Variants in ANO8 observed in about 807,000 individuals in gnomAD.
ANO8 encodes anoctamin-8.
Under a neutral mutation model 120.4 loss-of-function variants are expected in ANO8, and 67 were observed. The ratio of observed to expected loss-of-function variants is 0.56; its 90% CI spans 0.46 to 0.68. The LOEUF is 0.68. ANO8 is among the 30% of genes least tolerant of loss of function. The pLI, the probability that ANO8 is intolerant of heterozygous loss-of-function variation, is 0.00. For synonymous variants in ANO8, 727 were observed against 759.2 expected, an observed-to-expected ratio of 0.96 and a Z score of 0.70; for missense variants, 1,526 against 1,737.6, an observed-to-expected ratio of 0.88 and a Z score of 2.16.
In ANO8 at chr19:17,331,381, T is replaced by G; in HGVS notation, c.617A>C (p.Gln206Pro). 1 of 1,613,960 alleles carries G rather than the reference T, an allele frequency of 6.2e-7. No homozygotes were observed. Among genetic ancestry groups the G allele is most frequent in the Non-Finnish European group, 8.5e-7 (1 of 1,180,016 alleles). Residue 206 changes from glutamine (Q) to proline (P), a missense_variant, in exon 6 of 18, where the codon CAG becomes CCG. Physicochemically the swap from Gln to Pro is moderately conservative, Grantham distance 76. Coordinates refer to ENST00000159087, the MANE Select transcript of ANO8 (RefSeq NM_020959.3). ...CTGCTCGTGGACAGGGAACACCTGC[T>G]GGATGATCCCACGTGCTGCCAGCTC... The part of the protein sequence containing the change: ...IPELAARGII[Q>P]QVFPVHEQRI...
chr19:17,333,641 G>C lies in ANO8; in HGVS notation c.217+49C>G, dbSNP rs771128398. 1 of 1,564,662 alleles carries C rather than the reference G, an allele frequency of 6.4e-7. No homozygotes were observed. The highest frequency in any genetic ancestry group is 8.7e-7 in the Non-Finnish European group (1 of 1,148,654). ...TTCCCGTTCTGGGAAGCCGAGCTCAGGAGAGCCGCATCTGGGCACTGGGCG... is the reference window on the plus strand; with the variant it reads ...TTCCCGTTCTGGGAAGCCGAGCTCACGAGAGCCGCATCTGGGCACTGGGCG... On this transcript the variant is annotated intron_variant, in intron 2 of 17. Coordinates refer to ENST00000159087, the MANE Select transcript of ANO8 (RefSeq NM_020959.3). This position sits in a 1 kb window ranked among gnomAD's most constrained non-coding sequence, Gnocchi z 7.2.
intron 5 of ANO8, among the ~76,000 whole-genome samples, chr19:17,331,863 C>T (rs1165984849): frequency 6.6e-6 from 1 of 150,580 alleles, no homozygotes; most frequent in Non-Finnish European, 1.5e-5. Flanking sequence ...AAACTCCTGA[C>T]CTCAAGTGAT....
At position 17,323,818 on chromosome 19, in the gene ANO8, G is replaced by A. The variant is rs2074254936; in HGVS notation, c.3398C>T (p.Pro1133Leu). The stretch of plus-strand genomic sequence containing the variant: ...GGGCCGGGGCAGCGGCATTGGCGGC[G>A]GCGGCGCGGGGCTCCGGCTGCGGCG... ...RTRRSRSPAP[P>L]PPMPLPRPPT... is the part of the protein sequence containing the mutation. Residue 1133 changes from proline to leucine, a missense_variant, in exon 18 of 18, where the codon CCG becomes CTG. By Grantham distance (98) the Pro-to-Leu change is moderately conservative. This residue lies in a region of ANO8 where 489 missense variants were observed against 548.6 expected (regional missense o/e 0.89). Transcript: ENST00000159087. 4.4e-5 allele frequency: 50 copies of A among 1,137,270 alleles called. No homozygotes were observed. Among genetic ancestry groups the A allele is most frequent in the Non-Finnish European group, 5.3e-5 (49 of 927,346 alleles). The allele number at this position is 1,137,270 out of a possible 1,614,324, so 70.4% of individuals were successfully genotyped here.
chr19:17,331,060 C>T, intron 7 of ANO8, 28 bp downstream of exon 7: 1 of 1,613,818 alleles, frequency 6.2e-7, no homozygotes, highest in South Asian at 1.1e-5. Context: ...CTGGATCCCC[C>T]AGACCTTGCA....
chr19:17,334,718 G>C lies in ANO8; in HGVS notation c.-48C>G, dbSNP rs2074350141. The C allele has an allele frequency of 7.5e-7, 1 of 1,329,790 alleles. No homozygotes were observed. The highest frequency in any genetic ancestry group is 4.0e-5 in the Admixed American group (1 of 25,220). 82.4% of individuals were successfully genotyped at this position (1,329,790 alleles called of 1,614,324 possible). On this transcript the variant is annotated 5_prime_UTR_variant, in exon 1 of 18. Coordinates refer to ENST00000159087, the MANE Select transcript of ANO8 (RefSeq NM_020959.3). ...GGCTACGGACGGCCCGGGCGACGGG[G>C]AGCCGCGGGCTCATGGGGCCGGTGC...
intron 17 of ANO8, 81 bp from the exon 18 acceptor site, chr19:17,323,965 CT>C: frequency 9.5e-7 from 1 of 1,052,958 alleles, no homozygotes; most frequent in Non-Finnish European, 1.1e-6. Context: ...CCCGCGCTCC[CT>C]CCCGGGCATC....
At position 17,327,469 on chromosome 19, in the gene ANO8, T is replaced by C; in HGVS notation, c.2519A>G (p.Glu840Gly). ...CACTACCACCGACACGATGGCTGCC[T>C]CCGGGCTCAGCCAGGGGAAGAGGCG... The part of the protein sequence containing the change: ...LQRLFPWLSP[E>G]AAIVSVVVLE... Residue 840 changes from glutamate to glycine, a missense_variant, in exon 15 of 18, where the codon GAG (glutamate) becomes GGG (glycine). By Grantham distance (98) the Glu-to-Gly change is moderately conservative (BLOSUM62 -2). Transcript: ENST00000159087. 6.2e-7 allele frequency: 1 copy of C among 1,612,712 alleles called. No individual in the cohort carries two copies. The highest frequency in any genetic ancestry group is 1.1e-5 in the South Asian group (1 of 91,006).
chr19:17,324,409 G>C (rs2074258987), intron 17 of ANO8, among the ~76,000 whole-genome samples: 1 of 152,016 alleles, frequency 6.6e-6, no homozygotes, highest in African/African-American at 2.4e-5. Context: ...GGGCTGGTTG[G>C]GAAACAGGCC....
rs1294592294 is a variant in ANO8 at position 17,333,778 on chromosome 19, G to A, written c.129C>T (p.Leu43=). Residue 43 remains leucine, a synonymous_variant, in exon 2 of 18, where the codon CTC becomes CTT. Coordinates refer to ENST00000159087, the MANE Select transcript of ANO8 (RefSeq NM_020959.3). This position sits in a 1 kb window ranked among gnomAD's most constrained non-coding sequence, Gnocchi z 7.2. ...GVLDKLFGKR[L]LQAGRYLVSH... ...ACACCAGGTAGCGACCAGCCTGCAGGAGCCGCTTTCCGAAAAGCTTATCTA... is the reference window on the plus strand; with the variant it reads ...ACACCAGGTAGCGACCAGCCTGCAGAAGCCGCTTTCCGAAAAGCTTATCTA... The A allele has an allele frequency of 1.2e-6, 2 of 1,603,908 alleles. No individual in the cohort carries two copies. Among genetic ancestry groups the A allele is most frequent in the Admixed American group, 1.7e-5 (1 of 59,060 alleles).
In ANO8 at chr19:17,323,576, GC is replaced by G; in HGVS notation, c.3639del (p.Ser1215ProfsTer104). ...GGGCTGGGGCTGGGGCTAGGGGAGG[GC>G]GCTGGGGTCTCGAGGGGATCCGAGG... ...PPTSDPLETP[A>X]PSPSPSPSPQ... On this transcript the variant is annotated frameshift_variant, in exon 18 of 18. Transcript: ENST00000159087. LOFTEE classifies it high-confidence loss of function. 7.8e-7 allele frequency: 1 copy of G among 1,286,858 alleles called. No individual in the cohort carries two copies. The highest frequency in any genetic ancestry group is 9.9e-7 in the Non-Finnish European group (1 of 1,014,384). The allele number at this position is 1,286,858 out of a possible 1,614,324, so 79.7% of individuals were successfully genotyped here.
At chr19:17,326,767 G>A (rs150310330) in intron 16 of ANO8, among the ~76,000 whole-genome samples, 1,843 of 152,244 alleles carry the variant, frequency 0.012, 29 homozygotes, top group Admixed American at 0.02. Context: ...TGAGGAATGC[G>A]GAAGAAGCTG....
At chr19:17,326,616 G>A (rs756894491) in intron 16 of ANO8, among the ~76,000 whole-genome samples, 13 of 152,204 alleles carry the variant, frequency 8.5e-5, no homozygotes, top group Non-Finnish European at 1.5e-4. Context: ...TTTCTCGGTC[G>A]CAGCAGCTGC....
chr19:17,330,495 G>A lies in ANO8; in HGVS notation c.1003C>T (p.Arg335Cys), dbSNP rs1039560364. ...TCGGCCCGCGTGATGGGGCTGATACGTCGCACGCCCTGATGGTGGGCAAAG... is the reference window on the plus strand; with the variant it reads ...TCGGCCCGCGTGATGGGGCTGATACATCGCACGCCCTGATGGTGGGCAAAG... The part of the protein sequence containing the change: ...EPRPQFRGVR[R>C]ISPITRAEEF... The change falls in exon 9 of 18, where the codon CGT becomes TGT. Residue 335 changes from arginine (R) to cysteine (C), a missense_variant. Physicochemically the swap from Arg to Cys is radical, Grantham distance 180 (BLOSUM62 -3). This residue lies in a region of ANO8 where 322 missense variants were observed against 431.8 expected (regional missense o/e 0.75). Coordinates refer to ENST00000159087, the MANE Select transcript of ANO8 (RefSeq NM_020959.3). The A allele has an allele frequency of 4.6e-6, 7 of 1,528,888 alleles. No individual in the cohort carries two copies. The highest frequency in any genetic ancestry group is 1.4e-5 in the African/African-American group (1 of 72,616). The allele number at this position is 1,528,888 out of a possible 1,614,324, so 94.7% of individuals were successfully genotyped here. A position where few individuals can be genotyped will look rare whatever the true frequency, so the allele number is the denominator to read the frequency against.
chr19:17,329,049 T>G, intron 12 of ANO8, 66 bp from the exon 13 acceptor site: 1 of 1,285,270 alleles, frequency 7.8e-7, no homozygotes, highest in Non-Finnish European at 1.0e-6. Flanking sequence ...ATCGGGGGAC[T>G]CACCCTCCCT....
At chr19:17,325,676 C>G (rs939462737) in intron 16 of ANO8, among the ~76,000 whole-genome samples, 4 of 152,208 alleles carry the variant, frequency 2.6e-5, no homozygotes, top group African/African-American at 9.6e-5. Context: ...GCCTGTAATC[C>G]CAGCACTTTG....
chr19:17,327,667 G>T, intron 14 of ANO8, 22 bp downstream of exon 14: 3 of 1,610,556 alleles, frequency 1.9e-6, no homozygotes, highest in Non-Finnish European at 1.7e-6. Flanking sequence ...GCCTCAGCTC[G>T]GATCTCTTGG....
At position 17,334,436 on chromosome 19, in the gene ANO8, C is replaced by G. The variant is rs926351231; in HGVS notation, c.106+129G>C. On this transcript the variant is annotated intron_variant, in intron 1 of 17. Coordinates refer to ENST00000159087, the MANE Select transcript of ANO8 (RefSeq NM_020959.3). ...GCCCGCCGGGCCGCAGCCGCAGTGC[C>G]GGGAGGAGCCGGCCCCTCGTCCAGA... 6 of 861,604 alleles carry G rather than the reference C, an allele frequency of 7.0e-6. No homozygotes were observed. In the Admixed American group the frequency reaches 1.3e-4, roughly 19 times the overall value. 53.4% of individuals were successfully genotyped at this position (861,604 alleles called of 1,614,324 possible).
Position 17,324,847 on chromosome 19 carries a change from G to A in ANO8, c.3201C>T (p.Asn1067=), listed in dbSNP as rs555464685. The change falls in exon 17 of 18, where the codon AAC becomes AAT. Residue 1067 remains asparagine (N), a synonymous_variant. Coordinates refer to ENST00000159087, the MANE Select transcript of ANO8 (RefSeq NM_020959.3). ...CTGGCCGGGCCTGCCCGCCCGCCCC[G>A]TTGGACCCAGGCTCAGCCCGGGTGC... ...FGGTRAEPGS[N]GAGGQARPDG... The A allele has an allele frequency of 1.1e-5, 17 of 1,612,380 alleles. No homozygotes were observed. In the Middle Eastern group the frequency reaches 6.6e-4, roughly 63 times the overall value.
rs371694822 is a variant in ANO8 at position 17,330,080 on chromosome 19, GGGCAGT to G, written c.1273+39_1273+44del. On this transcript the variant is annotated intron_variant, in intron 10 of 17. Transcript: ENST00000159087. Reference sequence around the variant, plus strand: ...CCCCAAGGGTGGCAGGGATCCCAAGGGGCAGTGGAGACCTTCCTCCCAGAGACCCCC... The same window carrying G: ...CCCCAAGGGTGGCAGGGATCCCAAGGGGAGACCTTCCTCCCAGAGACCCCC... 943 of 1,613,900 alleles carry G rather than the reference GGGCAGT, an allele frequency of 5.8e-4. 4 individuals carry two copies. In the African/African-American group the frequency reaches 8.6e-3, roughly 15 times the overall value.
Sources: gnomAD v4.1 joint callset for allele counts (sites outside exome capture counted in the v4.1 genomes callset) on GRCh38, gnomAD v4.1.1 for gene constraint, gnomAD v4.1.1 regional missense constraint, Gnocchi (gnomAD v3.1) non-coding constraint, MANE v1.5 for transcripts, NCBI Gene and HGNC (gene_info 2026-07-23, HGNC 2026-07-21) for gene names.